The following BACE2 variants were observed in gnomAD, a reference collection of about 807,000 sequenced individuals.
BACE2 encodes 56 kDa aspartic-like protease.
BACE2 carries 17 observed loss-of-function variants against 46.2 expected under a neutral mutation model. That is an observed-to-expected ratio of 0.37 (90% CI 0.25 to 0.55). The LOEUF (loss-of-function observed/expected upper bound fraction) is 0.55, where lower values mean the gene tolerates loss of function less well. BACE2 is among the 20% of genes least tolerant of loss of function. BACE2 has a pLI of 0.82. For synonymous variants in BACE2, 277 were observed against 295.9 expected, an observed-to-expected ratio of 0.94 and a Z score of 0.66; for missense variants, 595 against 698.1, an observed-to-expected ratio of 0.85 and a Z score of 1.66.
Position 41,198,640 on chromosome 21 carries a change from C to T in BACE2, c.313-27626C>T, listed in dbSNP as rs571503767. ...CATGCAGTCTCTACTCTACGGGTGG[C>T]GTATTTGACTCCTCTTTCCAGCTGG... is the stretch of plus-strand genomic sequence containing the variant. On this transcript the variant is annotated intron_variant, in intron 1 of 8. Coordinates refer to ENST00000330333, the MANE Select transcript of BACE2 (RefSeq NM_012105.5). Among the ~76,000 whole-genome samples the T allele has an allele frequency of 3.1e-4, 47 of 152,290 alleles. No individual in the cohort carries two copies. The South Asian group carries it at 8.9e-3, about 29-fold the overall frequency.
At chr21:41,255,149 G>C (rs1292502977) in intron 7 of BACE2, among the ~76,000 whole-genome samples, 2 of 152,222 alleles carry the variant, frequency 1.3e-5, no homozygotes, top group Non-Finnish European at 2.9e-5. Context: ...CTGTGGGAGA[G>C]GTCTGATTTG....
intron 1 of BACE2, among the ~76,000 whole-genome samples, chr21:41,221,721 G>A (rs532043525): frequency 1.6e-4 from 24 of 152,042 alleles, no homozygotes; most frequent in South Asian, 4.2e-4. Flanking sequence ...CCAGCTACTC[G>A]GGAGGCTGAG....
intron 5 of BACE2, among the ~76,000 whole-genome samples, chr21:41,244,209 T>G (rs1987388126): frequency 6.6e-6 from 1 of 152,256 alleles, no homozygotes. Flanking sequence ...TTAGCACTTC[T>G]GTTCGTATTA....
intron 1 of BACE2, among the ~76,000 whole-genome samples, chr21:41,212,694 A>G (rs35939063): frequency 0.28 from 42,669 of 152,060 alleles, 9,001 homozygotes; most frequent in African/African-American, 0.6. Context: ...ATTTTTGGTC[A>G]AGGGCTGCTC....
chr21:41,174,380 A>G (rs980240259), intron 1 of BACE2, among the ~76,000 whole-genome samples: 4 of 151,536 alleles, frequency 2.6e-5, no homozygotes, highest in African/African-American at 9.7e-5. Flanking sequence ...TGACCTAGTG[A>G]TCTGCCCACC....
At chr21:41,254,914 G>T (rs937399791) in intron 7 of BACE2, among the ~76,000 whole-genome samples, 1 of 152,280 alleles carries the variant, frequency 6.6e-6, no homozygotes, top group Admixed American at 6.5e-5. Context: ...GGCGCATGAT[G>T]AGCTCTGGGC....
chr21:41,259,220 A>T (rs561282703), intron 8 of BACE2, among the ~76,000 whole-genome samples: 5 of 152,278 alleles, frequency 3.3e-5, no homozygotes, highest in Middle Eastern at 3.4e-3. Flanking sequence ...TATTTGCTAG[A>T]TGCTCTTATA....
At chr21:41,235,618 C>G (rs1987094070) in intron 2 of BACE2, among the ~76,000 whole-genome samples, 1 of 152,214 alleles carries the variant, frequency 6.6e-6, no homozygotes, top group South Asian at 2.1e-4. Flanking sequence ...AGGAGGATTA[C>G]TTGAGCCCAG....
rs1384288289 is a variant in BACE2, at chr21:41,201,006, A to T, written c.313-25260A>T. Among the ~76,000 whole-genome samples, 7 of 152,304 alleles carry T rather than the reference A, an allele frequency of 4.6e-5. No homozygotes were observed. In the East Asian group the frequency reaches 1.2e-3, roughly 25 times the overall value. ...CCTGGCCAGCTCAGCCACTGTCCGC[A>T]TTCACAGCCTCCTGCAGCTTCCACT... On this transcript the variant is annotated intron_variant, in intron 1 of 8. Transcript: ENST00000330333.
chr21:41,275,300 C>T (rs1054383425), intron 8 of BACE2, 71 bp from the exon 9 acceptor site: 1 of 1,595,450 alleles, frequency 6.3e-7, no homozygotes, highest in Non-Finnish European at 8.6e-7. Context: ...CCAAGGGGTT[C>T]TGTCTGTGTC....
At chr21:41,264,893 A>C (rs1988029119) in intron 8 of BACE2, among the ~76,000 whole-genome samples, 1 of 152,198 alleles carries the variant, frequency 6.6e-6, no homozygotes, top group Non-Finnish European at 1.5e-5. Flanking sequence ...CTGAGGCAGG[A>C]AGATCACTTG....
intron 1 of BACE2, among the ~76,000 whole-genome samples, chr21:41,215,677 A>G (rs963267931): frequency 6.6e-6 from 1 of 152,168 alleles, no homozygotes; most frequent in Non-Finnish European, 1.5e-5. Context: ...AGCAGGGAAC[A>G]GGGGCGGGGA....
chr21:41,199,749 A>G (rs1456515066), intron 1 of BACE2, among the ~76,000 whole-genome samples: 1 of 152,090 alleles, frequency 6.6e-6, no homozygotes, highest in Non-Finnish European at 1.5e-5. Context: ...TCCCAGCCCC[A>G]GCTCTCACTG....
Position 41,218,619 on chromosome 21 carries a change from T to C in BACE2, c.313-7647T>C, listed in dbSNP as rs1176990083. ...AATATATAAACAACAGTGTAACCTA[T>C]GGAGAGGTTGGTGGGACTCAGATTC... On this transcript the variant is annotated intron_variant, in intron 1 of 8. Coordinates refer to ENST00000330333, the MANE Select transcript of BACE2 (RefSeq NM_012105.5). Among the ~76,000 whole-genome samples, 3 of 152,262 alleles carry C rather than the reference T, an allele frequency of 2.0e-5. No homozygotes were observed. The East Asian group carries it at 5.8e-4, about 29-fold the overall frequency.
At chr21:41,221,596 A>C (rs747430572) in intron 1 of BACE2, among the ~76,000 whole-genome samples, 4,444 of 152,150 alleles carry the variant, frequency 0.029, 161 homozygotes, top group African/African-American at 0.086. Context: ...GAGGCCGCAG[A>C]GGGTGGATCA....
rs557043826 is a variant in BACE2 at position 41,259,963 on chromosome 21, C to T, written c.1303+2637C>T. ...CCTCTGACCTCAACCTCCTGAGTAG[C>T]TGGGACTACAGGTGTGCACCACTGC... On this transcript the variant is annotated intron_variant, in intron 8 of 8. Transcript: ENST00000330333. Among the ~76,000 whole-genome samples the T allele has an allele frequency of 4.3e-4, 65 of 152,082 alleles. 1 individual carries two copies. The highest frequency in any genetic ancestry group is 5.9e-4 in the Admixed American group (9 of 15,280).
At chr21:41,196,053 G>C (rs955603187) in intron 1 of BACE2, among the ~76,000 whole-genome samples, 2 of 152,130 alleles carry the variant, frequency 1.3e-5, no homozygotes, top group African/African-American at 4.8e-5. Context: ...GGGTGGCTGA[G>C]GCAGGCAGAT....
At chr21:41,212,086 A>G (rs1184210165) in intron 1 of BACE2, among the ~76,000 whole-genome samples, 2 of 152,218 alleles carry the variant, frequency 1.3e-5, no homozygotes, top group African/African-American at 4.8e-5. Flanking sequence ...CTCTTAGTCC[A>G]TTTGGGCTGC....
At chr21:41,191,830 C>T (rs773958808) in intron 1 of BACE2, among the ~76,000 whole-genome samples, 1 of 152,186 alleles carries the variant, frequency 6.6e-6, no homozygotes, top group Non-Finnish European at 1.5e-5. Context: ...TTAAAATTCT[C>T]CTCTGGTGAG....
Sources: allele counts gnomAD v4.1 joint callset (sites outside exome capture counted in the v4.1 genomes callset), GRCh38; gene constraint gnomAD v4.1.1; transcripts MANE v1.5; gene names NCBI Gene and HGNC (gene_info 2026-07-23, HGNC 2026-07-21).